OR1L8: variants seen among roughly 807,000 people sequenced by gnomAD.
OR1L8 encodes olfactory receptor 1L8.
For missense variants in OR1L8, 330 were observed against 377.4 expected (o/e 0.87, Z 1.04); for synonymous variants, 148 against 147.0 (o/e 1.01, Z -0.05).
In OR1L8 at chr9:122,568,063, G is replaced by A; in HGVS notation, c.415C>T (p.His139Tyr). Residue 139 changes from histidine (H) to tyrosine (Y), a missense_variant, in exon 5 of 5, where the codon CAC becomes TAC. Transcript: ENST00000641027. Reference protein sequence around the residue: ...DPFHYVTTMSHHHCVLLVAFS... With the variant: ...DPFHYVTTMSYHHCVLLVAFS... ...GCCACCAGCAGGACACAGTGGTGGT[G>A]GCTCATGGTGGTGACATAGTGGAAA... 6.2e-7 allele frequency: 1 copy of A among 1,614,062 alleles called. No individual in the cohort carries two copies. The highest frequency in any genetic ancestry group is 1.1e-5 in the South Asian group (1 of 91,074).
At chr9:122,555,803 A>T in the OR1L8 span, among the ~76,000 whole-genome samples, 1 of 152,194 alleles carries the variant, frequency 6.6e-6, no homozygotes, top group African/African-American at 2.4e-5. Flanking sequence ...ATGCCCCAAC[A>T]CACGCACAAT....
chr9:122,568,376 G>A lies in OR1L8; in HGVS notation c.102C>T (p.Ile34=), dbSNP rs761194249. Residue 34 remains isoleucine, a synonymous_variant, in exon 5 of 5, where the codon ATC becomes ATT. Transcript: ENST00000641027. ...TCCCTGTTATGGTGACCAGGTACAC[G>A]ATGAGGAAGAGAACAAAGAGTGTCT... ...DQKTLFVLFL[I]VYLVTITGNL... is the part of the protein sequence containing the mutation. 17 of 1,613,568 alleles carry A rather than the reference G, an allele frequency of 1.1e-5. No individual in the cohort carries two copies. The highest frequency in any genetic ancestry group is 5.3e-5 in the African/African-American group (4 of 74,898).
the OR1L8 span, among the ~76,000 whole-genome samples, chr9:122,560,408 A>C: frequency 0.31 from 46,784 of 151,932 alleles, 8,078 homozygotes; most frequent in East Asian, 0.81. Context: ...TAATTGATGC[A>C]ATTTCTTCAT....
chr9:122,567,523 T>TAA lies in OR1L8; in HGVS notation c.*24_*25insTT. The TAA allele has an allele frequency of 4.0e-6, 6 of 1,499,732 alleles. No individual in the cohort carries two copies. Among genetic ancestry groups the TAA allele is most frequent in the Non-Finnish European group, 4.5e-6 (5 of 1,111,856 alleles). The allele number at this position is 1,499,732 out of a possible 1,614,324, so 92.9% of individuals were successfully genotyped here. A position where few individuals can be genotyped will look rare whatever the true frequency, so the allele number is the denominator to read the frequency against. On this transcript the variant is annotated 3_prime_UTR_variant, in exon 5 of 5. Transcript: ENST00000641027. The stretch of plus-strand genomic sequence containing the variant: ...ACGTCCAAGTTGAGCAGATTCCACT[T>TAA]ACGAGTTTTTCAAGAGGGTGCTTCC...
chr9:122,580,505 G>A (rs1385534506), intron 1 of OR1L8, among the ~76,000 whole-genome samples: 1 of 152,156 alleles, frequency 6.6e-6, no homozygotes, highest in Non-Finnish European at 1.5e-5. Context: ...AGGAACACCA[G>A]TGCTAAGGTA....
In OR1L8 at chr9:122,567,946, A is replaced by G; in HGVS notation, c.532T>C (p.Phe178Leu). 1.9e-6 allele frequency: 3 copies of G among 1,614,220 alleles called. No homozygotes were observed. Among genetic ancestry groups the G allele is most frequent in the East Asian group, 4.5e-5 (2 of 44,874 alleles). ...TFCDSNVIHHFLCDLSPVLKL... is the reference protein window; with the variant it reads ...TFCDSNVIHHLLCDLSPVLKL... ...AGCACAGGGCTGAGGTCACAGAGAA[A>G]GTGGTGGATAACATTGGAGTCACAG... The change falls in exon 5 of 5, where the codon TTT (phenylalanine) becomes CTT (leucine). Residue 178 changes from phenylalanine to leucine, a missense_variant. Physicochemically the swap from Phe to Leu is conservative, Grantham distance 22. Coordinates refer to ENST00000641027, the MANE Select transcript of OR1L8 (RefSeq NM_001004454.2).
intron 4 of OR1L8, among the ~76,000 whole-genome samples, chr9:122,570,513 T>C (rs1463945574): frequency 6.6e-6 from 1 of 152,242 alleles, no homozygotes; most frequent in African/African-American, 2.4e-5. Flanking sequence ...CTCAGGTTTT[T>C]CATGTATAAA....
chr9:122,563,313 A>G (rs1829381172), downstream of OR1L8, among the ~76,000 whole-genome samples: 1 of 151,910 alleles, frequency 6.6e-6, no homozygotes, highest in Non-Finnish European at 1.5e-5. Context: ...ACAATAATTT[A>G]TTGTATATTT....
the OR1L8 span, chr9:122,553,717 T>G: frequency 1.2e-6 from 2 of 1,613,962 alleles, no homozygotes; most frequent in African/African-American, 2.7e-5. Context: ...CTGACCCGCG[T>G]GGCTTTCTGT....
chr9:122,577,348 A>G (rs906839823), intron 2 of OR1L8, among the ~76,000 whole-genome samples: 1 of 152,214 alleles, frequency 6.6e-6, no homozygotes, highest in African/African-American at 2.4e-5. Flanking sequence ...AGGGCTTACA[A>G]TAACTTTACT....
chr9:122,576,988 C>G (rs1042669367), intron 2 of OR1L8, 87 bp from the exon 3 acceptor site: 7 of 152,028 alleles, frequency 4.6e-5, no homozygotes, highest in African/African-American at 1.7e-4. Context: ...CATGTTGGAC[C>G]AGAAACTGGA....
intron 4 of OR1L8, among the ~76,000 whole-genome samples, chr9:122,569,212 G>T (rs550760560): frequency 2.7e-4 from 41 of 152,180 alleles, no homozygotes; most frequent in African/African-American, 9.9e-4. Context: ...GTTTGCACAA[G>T]TCTCCCTTTT....
Position 122,568,570 on chromosome 9 carries a change from C to G in OR1L8, c.-93G>C, listed in dbSNP as rs1430825916. The G allele has an allele frequency of 1.3e-6, 1 of 775,292 alleles. No individual in the cohort carries two copies. Among genetic ancestry groups the G allele is most frequent in the Non-Finnish European group, 2.1e-6 (1 of 483,824 alleles). 48.0% of individuals were successfully genotyped at this position (775,292 alleles called of 1,614,324 possible). ...ATGAGAACCTAGCAAGTCTTTGTTT[C>G]TTCTGTTTGGTCACAATTAGCTACT... On this transcript the variant is annotated 5_prime_UTR_variant, in exon 5 of 5. Coordinates refer to ENST00000641027, the MANE Select transcript of OR1L8 (RefSeq NM_001004454.2).
rs1023920596 is a variant in OR1L8, at chr9:122,568,251, G to C, written c.227C>G (p.Thr76Arg). Reference protein sequence around the residue: ...FLSLTDICFTTSVVPKMLMNF... With the variant: ...FLSLTDICFTRSVVPKMLMNF... ...CATCAGCATCTTGGGGACAACGCTT[G>C]TTGTAAAGCAAATATCAGTGAGAGA... is the stretch of plus-strand genomic sequence containing the variant. The change falls in exon 5 of 5, where the codon ACA becomes AGA. Residue 76 changes from threonine to arginine, a missense_variant. Thr to Arg is a moderately conservative substitution (Grantham distance 71). Coordinates refer to ENST00000641027, the MANE Select transcript of OR1L8 (RefSeq NM_001004454.2). 9.9e-6 allele frequency: 16 copies of C among 1,613,924 alleles called. No individual in the cohort carries two copies. Among genetic ancestry groups the C allele is most frequent in the Non-Finnish European group, 1.4e-5 (16 of 1,179,912 alleles).
chr9:122,547,620 A>T, the OR1L8 span, among the ~76,000 whole-genome samples: 3 of 142,986 alleles, frequency 2.1e-5, no homozygotes, highest in South Asian at 2.3e-4. Flanking sequence ...GTAGTAGTTC[A>T]GTGTGTGTGT....
In OR1L8 at chr9:122,567,878, C is replaced by T; in HGVS notation, c.600G>A (p.Gln200=). The T allele has an allele frequency of 1.2e-6, 2 of 1,614,006 alleles. No homozygotes were observed. Among genetic ancestry groups the T allele is most frequent in the Non-Finnish European group, 1.7e-6 (2 of 1,179,934 alleles). ...CCAAAACAATAGGTGCTTCTGTCAT[C>T]TGCACAATTTCATTGACAAATATGG... ...CSSIFVNEIV[Q]MTEAPIVLVT... is the part of the protein sequence containing the mutation. The change falls in exon 5 of 5, where the codon CAG becomes CAA. Residue 200 remains glutamine (Q), a synonymous_variant. Transcript: ENST00000641027.
chr9:122,553,143 A>G, the OR1L8 span: 450 of 1,540,168 alleles, frequency 2.9e-4, 2 homozygotes, highest in African/African-American at 5.2e-3. Flanking sequence ...ATATCTGTAA[A>G]TTGATCTAAT....
rs1410318657 is a variant in OR1L8 at position 122,567,677 on chromosome 9, G to GT, written c.800dup (p.Tyr267Ter). The GT allele has an allele frequency of 2.5e-6, 4 of 1,614,004 alleles. No individual in the cohort carries two copies. In the African/African-American group the frequency reaches 5.3e-5, roughly 22 times the overall value. ...TTGTTGCCACGTGGTCCTTGACAGC[G>GT]TAGGTGGATGGGGGCTGTAAATAGA... ...FCVYLQPPST[Y>*]AVKDHVATIV... is the part of the protein sequence containing the mutation. Residue 267 changes from tyrosine to a stop codon, truncating the protein, a stop_gained and frameshift_variant, in exon 5 of 5, where the codon TAC becomes TAAC. Coordinates refer to ENST00000641027, the MANE Select transcript of OR1L8 (RefSeq NM_001004454.2). LOFTEE classifies it low-confidence loss of function (END_TRUNC).
Position 122,567,518 on chromosome 9 carries a change from C to G in OR1L8, c.*30G>C. The stretch of plus-strand genomic sequence containing the variant: ...AAAACACGTCCAAGTTGAGCAGATT[C>G]CACTTACGAGTTTTTCAAGAGGGTG... On this transcript the variant is annotated 3_prime_UTR_variant, in exon 5 of 5. Coordinates refer to ENST00000641027, the MANE Select transcript of OR1L8 (RefSeq NM_001004454.2). 1 of 1,474,672 alleles carries G rather than the reference C, an allele frequency of 6.8e-7. No homozygotes were observed. Among genetic ancestry groups the G allele is most frequent in the South Asian group, 1.3e-5 (1 of 75,244 alleles). The allele number at this position is 1,474,672 out of a possible 1,614,324, so 91.3% of individuals were successfully genotyped here. A position where few individuals can be genotyped will look rare whatever the true frequency, so the allele number is the denominator to read the frequency against.
Sources: gnomAD v4.1 joint callset for allele counts (sites outside exome capture counted in the v4.1 genomes callset) on GRCh38, gnomAD v4.1.1 for gene constraint, MANE v1.5 for transcripts, NCBI Gene and HGNC (gene_info 2026-07-23, HGNC 2026-07-21) for gene names.